Variants in TUFT1 observed in about 807,000 individuals in gnomAD.
TUFT1 encodes tuftelin 1.
A neutral mutation model predicts 57.8 loss-of-function variants in TUFT1; 43 were observed. That is an observed-to-expected ratio of 0.74 (90% CI 0.58 to 0.96). The LOEUF is 0.96. TUFT1 is among the 40% of genes least tolerant of loss of function. The pLI, the probability that TUFT1 is intolerant of heterozygous loss-of-function variation, is 0.00. For missense variants in TUFT1, 459 were observed against 489.0 expected (o/e 0.94, Z 0.58); for synonymous variants, 166 against 176.7 (o/e 0.94, Z 0.48).
chr1:151,561,785 T>C (rs1371214293), intron 1 of TUFT1: 1 of 1,376,916 alleles, frequency 7.3e-7, no homozygotes, highest in Non-Finnish European at 9.6e-7. Context: ...GAAAGAAGAA[T>C]GCATGCAATG....
chr1:151,580,293 T>G (rs144028222), intron 11 of TUFT1, among the ~76,000 whole-genome samples: 310 of 152,200 alleles, frequency 2.0e-3, no homozygotes, highest in African/African-American at 7.0e-3. Flanking sequence ...TGTGTATTTT[T>G]AAAAAGACCA....
At chr1:151,551,724 T>C (rs1665516466) in intron 1 of TUFT1, among the ~76,000 whole-genome samples, 1 of 152,130 alleles carries the variant, frequency 6.6e-6, no homozygotes. Flanking sequence ...AAGTTGGGGA[T>C]AGAGTGCAGG....
intron 9 of TUFT1, 44 bp from the exon 10 acceptor site, chr1:151,578,677 G>A (rs1163657232): frequency 1.3e-6 from 2 of 1,495,722 alleles, no homozygotes; most frequent in South Asian, 1.2e-5. Context: ...GGGTAAATAA[G>A]TGATCTTGTT....
chr1:151,579,152 C>A (rs1461059009), intron 10 of TUFT1, among the ~76,000 whole-genome samples: 1 of 152,144 alleles, frequency 6.6e-6, no homozygotes, highest in African/African-American at 2.4e-5. Context: ...AGTCTTTGAG[C>A]CTCATGGCTG....
chr1:151,562,022 A>G, intron 1 of TUFT1, 69 bp from the exon 2 acceptor site: 2 of 1,540,710 alleles, frequency 1.3e-6, no homozygotes, highest in Middle Eastern at 1.7e-4. Context: ...GCACCCCTGT[A>G]CTGGTAGCAG....
intron 9 of TUFT1, among the ~76,000 whole-genome samples, chr1:151,577,555 C>T (rs1666513143): frequency 6.6e-6 from 1 of 152,150 alleles, no homozygotes; most frequent in African/African-American, 2.4e-5. Context: ...TATTATTTTA[C>T]ACTGCCCTTT....
At chr1:151,552,469 C>T (rs935056388) in intron 1 of TUFT1, among the ~76,000 whole-genome samples, 4 of 152,058 alleles carry the variant, frequency 2.6e-5, no homozygotes, top group Non-Finnish European at 4.4e-5. Context: ...TTTGGGAAGC[C>T]GAGGCGGGTG....
intron 1 of TUFT1, among the ~76,000 whole-genome samples, chr1:151,555,104 G>A (rs1415541085): frequency 6.8e-6 from 1 of 147,374 alleles, no homozygotes; most frequent in Non-Finnish European, 1.5e-5. Flanking sequence ...GAGGCGGGTG[G>A]ATCACATGAG....
intron 1 of TUFT1, among the ~76,000 whole-genome samples, chr1:151,550,222 G>A (rs1300892601): frequency 2.6e-5 from 4 of 151,160 alleles, no homozygotes; most frequent in South Asian, 2.1e-4. Context: ...TAGTAGAGAC[G>A]GGGTTTCACC....
At chr1:151,547,494 T>C (rs1436470594) in intron 1 of TUFT1, among the ~76,000 whole-genome samples, 3 of 152,122 alleles carry the variant, frequency 2.0e-5, no homozygotes, top group Non-Finnish European at 2.9e-5. Context: ...AATAGGTATG[T>C]GCCAGGAAGG....
intron 1 of TUFT1, 109 bp downstream of exon 1, chr1:151,540,535 G>C (rs1665128073): frequency 7.8e-7 from 1 of 1,280,712 alleles, no homozygotes; most frequent in Non-Finnish European, 1.1e-6. Context: ...TGCCCGGCTC[G>C]CGCGGTCAGC....
intron 6 of TUFT1, among the ~76,000 whole-genome samples, chr1:151,568,707 C>T (rs566234153): frequency 5.3e-4 from 81 of 152,314 alleles, no homozygotes; most frequent in Non-Finnish European, 6.6e-4. Context: ...CTTTCTCCTT[C>T]TTTTGAATCA....
intron 1 of TUFT1, among the ~76,000 whole-genome samples, chr1:151,545,644 A>C (rs1665309553): frequency 6.6e-6 from 1 of 152,202 alleles, no homozygotes; most frequent in Non-Finnish European, 1.5e-5. Flanking sequence ...AGAGTCTGGG[A>C]ACTCTCTGGT....
intron 10 of TUFT1, among the ~76,000 whole-genome samples, chr1:151,579,031 T>C (rs1168699551): frequency 1.3e-5 from 2 of 152,272 alleles, no homozygotes; most frequent in African/African-American, 4.8e-5. Context: ...ATTTGGCCTC[T>C]GCTTTCCAAT....
At chr1:151,540,738 A>C in intron 1 of TUFT1, 1 of 404,146 alleles carries the variant, frequency 2.5e-6, no homozygotes, top group Non-Finnish European at 4.6e-6. Context: ...TTGGGCAGCC[A>C]CATTGGGTCA....
rs142133307 is a variant in TUFT1 at position 151,574,316 on chromosome 1, C to A, written c.641C>A (p.Ala214Asp). ...AGGGAAGCAGAACAAAGTAATGTGG[C>A]CCTTCAGAGAGAGGAGGACAGAGTG... ...YQREAEQSNV[A>D]LQREEDRVEQ... The change falls in exon 8 of 13, where the codon GCC (alanine) becomes GAC (aspartate). Residue 214 changes from alanine (A) to aspartate (D), a missense_variant. By Grantham distance (126) the Ala-to-Asp change is moderately radical. Coordinates refer to ENST00000368849, the MANE Select transcript of TUFT1 (RefSeq NM_020127.3). 1.9e-6 allele frequency: 3 copies of A among 1,614,136 alleles called. No homozygotes were observed. The highest frequency in any genetic ancestry group is 2.5e-6 in the Non-Finnish European group (3 of 1,180,024).
At position 151,574,894 on chromosome 1, in the gene TUFT1, T is replaced by A. The variant is rs886555285; in HGVS notation, c.724-17T>A. ...TGCCATCTTCTCATCCTAGATTTTC[T>A]TTTGTGGCCCACCCAGGAGCATCAG... On this transcript the variant is annotated splice_polypyrimidine_tract_variant and intron_variant, in intron 8 of 12. Transcript: ENST00000368849. 6.4e-7 allele frequency: 1 copy of A among 1,556,386 alleles called. No homozygotes were observed. The highest frequency in any genetic ancestry group is 1.4e-5 in the African/African-American group (1 of 73,514).
chr1:151,543,802 C>G (rs903533338), intron 1 of TUFT1, among the ~76,000 whole-genome samples: 2 of 152,024 alleles, frequency 1.3e-5, no homozygotes, highest in African/African-American at 4.8e-5. Flanking sequence ...CTGATAGGCC[C>G]CCCCCAGATT....
chr1:151,540,606 G>A, intron 1 of TUFT1, 180 bp downstream of exon 1: 5 of 667,178 alleles, frequency 7.5e-6, no homozygotes, highest in Non-Finnish European at 1.3e-5. Context: ...GAGTCGCGGG[G>A]TGAAGACTCC....
Sources: gnomAD v4.1 joint callset for allele counts (sites outside exome capture counted in the v4.1 genomes callset) on GRCh38, gnomAD v4.1.1 for gene constraint, MANE v1.5 for transcripts, NCBI Gene and HGNC (gene_info 2026-07-23, HGNC 2026-07-21) for gene names.